Variants in FGD6 observed in about 807,000 individuals in gnomAD.
FGD6 encodes FYVE, RhoGEF and PH domain-containing protein 6.
A neutral mutation model predicts 149.4 loss-of-function variants in FGD6; 90 were observed. The ratio of observed to expected loss-of-function variants is 0.60; its 90% CI spans 0.51 to 0.72. The LOEUF is 0.72. Ranked by LOEUF, FGD6 falls within the 30% of genes least tolerant of loss-of-function variation. The pLI is 0.00. For synonymous variants in FGD6, 527 were observed against 584.0 expected (o/e 0.90, Z 1.41); for missense variants, 1,437 against 1,684.8 (o/e 0.85, Z 2.57).
At chr12:95,107,767 C>T in intron 11 of FGD6, 136 bp from the exon 12 acceptor site, 1 of 821,326 alleles carries the variant, frequency 1.2e-6, no homozygotes, top group Non-Finnish European at 2.0e-6. Context: ...AGATTTTTTA[C>T]AGTCATAGTT....
intron 16 of FGD6, among the ~76,000 whole-genome samples, chr12:95,092,123 T>A (rs760715261): frequency 6.6e-6 from 1 of 152,236 alleles, no homozygotes; most frequent in African/African-American, 2.4e-5. Flanking sequence ...CTGTGAGGTA[T>A]ACTGATCACC....
intron 3 of FGD6, among the ~76,000 whole-genome samples, chr12:95,169,626 G>A (rs553907530): frequency 2.6e-5 from 4 of 152,254 alleles, no homozygotes; most frequent in South Asian, 2.1e-4. Context: ...TCCTTTATAC[G>A]ATGTATCAGT....
intron 2 of FGD6, among the ~76,000 whole-genome samples, chr12:95,204,930 G>T (rs1050451419): frequency 1.3e-5 from 2 of 152,202 alleles, no homozygotes; most frequent in African/African-American, 4.8e-5. Flanking sequence ...ATTGGGGACT[G>T]CCTACAACTA....
intron 2 of FGD6, among the ~76,000 whole-genome samples, chr12:95,186,065 C>A (rs1463306074): frequency 6.6e-6 from 1 of 151,784 alleles, no homozygotes; most frequent in Non-Finnish European, 1.5e-5. Flanking sequence ...CCCTAGAAAT[C>A]CCAAAATGTA....
intron 3 of FGD6, among the ~76,000 whole-genome samples, chr12:95,165,877 G>T (rs990497065): frequency 1.3e-5 from 2 of 151,028 alleles, no homozygotes; most frequent in Non-Finnish European, 3.0e-5. Flanking sequence ...GAACTCCTGG[G>T]CTCAAGAGAT....
At chr12:95,124,172 A>G (rs551342786) in intron 8 of FGD6, among the ~76,000 whole-genome samples, 1 of 151,922 alleles carries the variant, frequency 6.6e-6, no homozygotes. Context: ...TCGGCCTCCC[A>G]AAGAGCTGGG....
Position 95,079,534 on chromosome 12 carries a change from G to A in FGD6, c.*1986C>T, listed in dbSNP as rs1877603111. The A allele has an allele frequency of 6.6e-6, 1 of 152,198 alleles. No individual in the cohort carries two copies. Among genetic ancestry groups the A allele is most frequent in the South Asian group, 2.1e-4 (1 of 4,834 alleles). The allele number at this position is 152,198 out of a possible 1,614,324, so 9.4% of individuals were successfully genotyped here. On this transcript the variant is annotated 3_prime_UTR_variant, in exon 21 of 21. Transcript: ENST00000343958. The stretch of plus-strand genomic sequence containing the variant: ...CTTGTCTTGCTAAATGCCAGACGCA[G>A]AAACAGTTTATAAGGTACAACTTTA...
Position 95,141,406 on chromosome 12 carries a change from T to G in FGD6, c.2819A>C (p.Glu940Ala). Residue 940 changes from glutamate to alanine, a missense_variant, in exon 6 of 21, where the codon GAG becomes GCG. Glu to Ala is a moderately radical substitution (Grantham distance 107). This residue lies in a region of FGD6 where 1,055 missense variants were observed against 1,146.0 expected (regional missense o/e 0.92). Coordinates refer to ENST00000343958, the MANE Select transcript of FGD6 (RefSeq NM_018351.4). ...TTTTTACCAGTGCAACATTCTTTCC[T>G]CCAGTTCCTTCAAGAGATCCCGGTT... ...ELNRDLLKEL[E>A]ERMLHWTEQQ... 6.2e-7 allele frequency: 1 copy of G among 1,614,042 alleles called. No homozygotes were observed. Among genetic ancestry groups the G allele is most frequent in the Non-Finnish European group, 8.5e-7 (1 of 1,179,974 alleles).
intron 1 of FGD6, among the ~76,000 whole-genome samples, chr12:95,216,776 G>C (rs2056807519): frequency 6.6e-6 from 1 of 151,782 alleles, no homozygotes; most frequent in East Asian, 1.9e-4. Flanking sequence ...CTTTAAAATG[G>C]GTAAAAGGTT....
intron 3 of FGD6, among the ~76,000 whole-genome samples, chr12:95,171,813 C>A (rs778069341): frequency 6.6e-6 from 1 of 152,096 alleles, no homozygotes; most frequent in Non-Finnish European, 1.5e-5. Context: ...CCGTGCCCAG[C>A]CCTCATGCAT....
chr12:95,122,143 T>C (rs2136249180), intron 8 of FGD6, among the ~76,000 whole-genome samples: 1 of 152,330 alleles, frequency 6.6e-6, no homozygotes, highest in Admixed American at 6.5e-5. Context: ...TATTTATTTC[T>C]ATACACAAAA....
Position 95,209,288 on chromosome 12 carries a change from C to T in FGD6, c.1996G>A (p.Glu666Lys), listed in dbSNP as rs750897746. 2.5e-6 allele frequency: 4 copies of T among 1,614,150 alleles called. No homozygotes were observed. The highest frequency in any genetic ancestry group is 2.2e-5 in the South Asian group (2 of 91,078). ...DTTTGHLSSGEQKGIESDWQG... is the reference protein window; with the variant it reads ...DTTTGHLSSGKQKGIESDWQG... ...CAATCACTTTCAATCCCCTTCTGCT[C>T]CCCACTGGAGAGGTGGCCTGTGGTG... is the stretch of plus-strand genomic sequence containing the variant. Residue 666 changes from glutamate (E) to lysine (K), a missense_variant, in exon 2 of 21, where the codon GAG becomes AAG. Physicochemically the swap from Glu to Lys is moderately conservative, Grantham distance 56. Coordinates refer to ENST00000343958, the MANE Select transcript of FGD6 (RefSeq NM_018351.4).
intron 2 of FGD6, among the ~76,000 whole-genome samples, chr12:95,208,110 G>C (rs1310349830): frequency 2.0e-5 from 3 of 151,942 alleles, no homozygotes; most frequent in African/African-American, 7.3e-5. Flanking sequence ...AATTATCTAG[G>C]CATGGTGGCA....
At chr12:95,214,372 T>C (rs1047894729) in intron 1 of FGD6, among the ~76,000 whole-genome samples, 3 of 152,218 alleles carry the variant, frequency 2.0e-5, no homozygotes, top group African/African-American at 4.8e-5. Context: ...TCCTTAATTA[T>C]TAATAGGAAC....
At chr12:95,171,508 G>T (rs1260876292) in intron 3 of FGD6, among the ~76,000 whole-genome samples, 2 of 152,082 alleles carry the variant, frequency 1.3e-5, no homozygotes, top group South Asian at 2.1e-4. Context: ...ACATTATAAT[G>T]AACCCCTGCA....
intron 8 of FGD6, chr12:95,125,985 G>A: frequency 7.2e-7 from 1 of 1,393,284 alleles, no homozygotes; most frequent in Non-Finnish European, 1.0e-6. Flanking sequence ...TGTCCCACAA[G>A]CCTGGCAGAA....
intron 3 of FGD6, among the ~76,000 whole-genome samples, chr12:95,171,930 G>GTA (rs1881000164): frequency 6.7e-6 from 1 of 149,074 alleles, no homozygotes; most frequent in South Asian, 2.1e-4. Context: ...ACTATTAACA[G>GTA]CCATCTTTAT....
At chr12:95,141,306 A>G in intron 6 of FGD6, 82 bp downstream of exon 6, 4 of 1,334,276 alleles carry the variant, frequency 3.0e-6, no homozygotes, top group Non-Finnish European at 4.2e-6. Flanking sequence ...TAATGAAAAT[A>G]TATCTCTGTC....
At chr12:95,127,623 T>C (rs925702415) in intron 8 of FGD6, among the ~76,000 whole-genome samples, 2 of 152,216 alleles carry the variant, frequency 1.3e-5, no homozygotes, top group African/African-American at 4.8e-5. Context: ...CTCAAATTTA[T>C]AGCTTCAGAA....
Sources: allele counts gnomAD v4.1 joint callset (sites outside exome capture counted in the v4.1 genomes callset), GRCh38; gene constraint gnomAD v4.1.1; regional missense constraint gnomAD v4.1.1; transcripts MANE v1.5; gene names NCBI Gene and HGNC (gene_info 2026-07-23, HGNC 2026-07-21).